The following ZKSCAN1 variants were observed in gnomAD, a reference collection of about 807,000 sequenced individuals.
ZKSCAN1 encodes the protein zinc finger with KRAB and SCAN domains 1.
Under a neutral mutation model 51.6 loss-of-function variants are expected in ZKSCAN1, and 14 were observed. The ratio of observed to expected loss-of-function variants is 0.27; its 90% CI spans 0.18 to 0.42. ZKSCAN1 has a LOEUF of 0.42. Among genes scored for constraint, ZKSCAN1 ranks in the 10% least tolerant of loss-of-function variants. ZKSCAN1 has a pLI of 1.00. For missense variants in ZKSCAN1, 531 were observed against 710.0 expected (o/e 0.75, Z 2.86); for synonymous variants, 263 against 261.5 (o/e 1.01, Z -0.06).
downstream of ZKSCAN1, among the ~76,000 whole-genome samples, chr7:100,043,914 C>A (rs1791660246): frequency 1.3e-5 from 2 of 150,946 alleles, no homozygotes; most frequent in Non-Finnish European, 1.5e-5. Flanking sequence ...GTAGCTGGGA[C>A]TACAGGTGCA....
downstream of ZKSCAN1, chr7:100,044,971 G>A: frequency 1.0e-6 from 1 of 985,364 alleles, no homozygotes; most frequent in Non-Finnish European, 1.2e-6. Context: ...GAGCGAGGAA[G>A]ATCCAGAAAT....
At chr7:100,022,642 G>C (rs1386658669) in intron 1 of ZKSCAN1, among the ~76,000 whole-genome samples, 2 of 152,186 alleles carry the variant, frequency 1.3e-5, no homozygotes, top group African/African-American at 4.8e-5. Flanking sequence ...AGGTCCCAGG[G>C]CTTCAAATTT....
intron 1 of ZKSCAN1, among the ~76,000 whole-genome samples, chr7:100,020,933 G>A (rs533417001): frequency 6.6e-6 from 1 of 152,206 alleles, no homozygotes; most frequent in South Asian, 2.1e-4. Flanking sequence ...AGTAACTTGT[G>A]ATTGATCCAA....
rs1228258298 is a variant in ZKSCAN1, at chr7:100,036,074, A to C, written c.*1877A>C. 1.0e-6 allele frequency: 1 copy of C among 985,340 alleles called. No individual in the cohort carries two copies. The highest frequency in any genetic ancestry group is 1.7e-5 in the African/African-American group (1 of 57,234). The allele number at this position is 985,340 out of a possible 1,614,324, so 61.0% of individuals were successfully genotyped here. On this transcript the variant is annotated 3_prime_UTR_variant, in exon 6 of 6. Coordinates refer to ENST00000324306, the MANE Select transcript of ZKSCAN1 (RefSeq NM_003439.4). Reference sequence around the variant, plus strand: ...CAGTCATTCACTGATCAGCAGCTAAAGTCCATGAGACCAAATGGTTTTATA... The same window carrying C: ...CAGTCATTCACTGATCAGCAGCTAACGTCCATGAGACCAAATGGTTTTATA...
chr7:100,029,797 G>T, intron 3 of ZKSCAN1, 64 bp from the exon 4 acceptor site: 1 of 1,495,014 alleles, frequency 6.7e-7, no homozygotes. Context: ...CATGCCCCGA[G>T]CCCTTCTTTG....
In ZKSCAN1 at chr7:100,039,429, G is replaced by T; in HGVS notation, c.*5232G>T. On this transcript the variant is annotated 3_prime_UTR_variant, in exon 6 of 6. Transcript: ENST00000324306. Reference sequence around the variant, plus strand: ...TCGTGGCATTGCAAGAAGTCTGTCTGATGAAGCTCGGGAAGCATTTTGCAA... The same window carrying T: ...TCGTGGCATTGCAAGAAGTCTGTCTTATGAAGCTCGGGAAGCATTTTGCAA... 1 of 985,434 alleles carries T rather than the reference G, an allele frequency of 1.0e-6. No homozygotes were observed. Among genetic ancestry groups the T allele is most frequent in the Non-Finnish European group, 1.2e-6 (1 of 829,938 alleles). 61.0% of individuals were successfully genotyped at this position (985,434 alleles called of 1,614,324 possible).
At chr7:100,026,549 G>A (rs1790845631) in intron 3 of ZKSCAN1, among the ~76,000 whole-genome samples, 1 of 152,016 alleles carries the variant, frequency 6.6e-6, no homozygotes, top group Non-Finnish European at 1.5e-5. Context: ...CCAACATAGT[G>A]AAACACTGTC....
intron 1 of ZKSCAN1, among the ~76,000 whole-genome samples, chr7:100,021,703 A>G (rs1312638180): frequency 6.8e-6 from 1 of 147,012 alleles, no homozygotes; most frequent in African/African-American, 2.5e-5. Context: ...TTATATTATT[A>G]GTGTGTCCTG....
chr7:100,041,758 G>T (rs1791603932), downstream of ZKSCAN1: 3 of 984,422 alleles, frequency 3.0e-6, no homozygotes, highest in Non-Finnish European at 3.6e-6. Context: ...CACATTGGGG[G>T]TGAAGAAAAA....
At position 100,041,646 on chromosome 7, in the gene ZKSCAN1, TTC is replaced by T. The variant is rs2116006796; in HGVS notation, c.*7451_*7452del. 1.0e-6 allele frequency: 1 copy of T among 985,410 alleles called. No individual in the cohort carries two copies. Among genetic ancestry groups the T allele is most frequent in the African/African-American group, 1.7e-5 (1 of 57,360 alleles). 61.0% of individuals were successfully genotyped at this position (985,410 alleles called of 1,614,324 possible). A position where few individuals can be genotyped will look rare whatever the true frequency, so the allele number is the denominator to read the frequency against. ...AAATATTCTCTTTATGTTGTTTCTC[TTC>T]TGAGTCATGGTAAAACAATAAATTA... On this transcript the variant is annotated 3_prime_UTR_variant, in exon 6 of 6. Transcript: ENST00000324306.
chr7:100,018,472 G>A (rs958681763), intron 1 of ZKSCAN1, among the ~76,000 whole-genome samples: 2 of 150,660 alleles, frequency 1.3e-5, no homozygotes, highest in South Asian at 2.1e-4. Flanking sequence ...TGGCGCAATC[G>A]CAGCCTCCCG....
rs12669840 is a variant in ZKSCAN1 at position 100,032,876 on chromosome 7, C to T, written c.800-429C>T. ...ACAAAAAATTAGCCGGGCGTGGTGG[C>T]GGGCGCCTGTAGTCCCAGCTACTCA... On this transcript the variant is annotated intron_variant, in intron 5 of 5. Transcript: ENST00000324306. Among the ~76,000 whole-genome samples, 6 of 152,182 alleles carry T rather than the reference C, an allele frequency of 3.9e-5. No individual in the cohort carries two copies. The East Asian group carries it at 7.7e-4, about 20-fold the overall frequency.
rs1791501450 is a variant in ZKSCAN1 at position 100,039,395 on chromosome 7, T to C, written c.*5198T>C. 2.0e-6 allele frequency: 2 copies of C among 985,368 alleles called. No homozygotes were observed. Among genetic ancestry groups the C allele is most frequent in the African/African-American group, 3.5e-5 (2 of 57,314 alleles). 61.0% of individuals were successfully genotyped at this position (985,368 alleles called of 1,614,324 possible). A position where few individuals can be genotyped will look rare whatever the true frequency, so the allele number is the denominator to read the frequency against. ...GGCATTTCCCGGAATTGTGTGCAGA[T>C]GCATCCAGTCGTGGCATTGCAAGAA... is the stretch of plus-strand genomic sequence containing the variant. On this transcript the variant is annotated 3_prime_UTR_variant, in exon 6 of 6. Coordinates refer to ENST00000324306, the MANE Select transcript of ZKSCAN1 (RefSeq NM_003439.4).
rs763366584 is a variant in ZKSCAN1, at chr7:100,030,389, A to G, written c.799+14A>G. The G allele has an allele frequency of 5.0e-6, 8 of 1,610,362 alleles. No homozygotes were observed. The East Asian group carries it at 1.8e-4, about 36-fold the overall frequency. On this transcript the variant is annotated intron_variant, in intron 5 of 5. Coordinates refer to ENST00000324306, the MANE Select transcript of ZKSCAN1 (RefSeq NM_003439.4). ...CATTTCCCCAGGGTAAGACGGATGC[A>G]GGCTTACTGTCTGATAAGATGGTTT...
At chr7:100,042,616 C>T (rs1791627819), downstream of ZKSCAN1, among the ~76,000 whole-genome samples, 1 of 152,030 alleles carries the variant, frequency 6.6e-6, no homozygotes, top group South Asian at 2.1e-4. Flanking sequence ...GGCTATAAAT[C>T]AAGGGCTTCC....
chr7:100,044,483 C>T (rs1043834287), downstream of ZKSCAN1, among the ~76,000 whole-genome samples: 3 of 151,678 alleles, frequency 2.0e-5, no homozygotes, highest in East Asian at 1.9e-4. Context: ...CTGGCTAACA[C>T]GGTGAAACTC....
Position 100,037,746 on chromosome 7 carries a change from C to T in ZKSCAN1, c.*3549C>T, listed in dbSNP as rs1141057. On this transcript the variant is annotated 3_prime_UTR_variant, in exon 6 of 6. Transcript: ENST00000324306. Reference sequence around the variant, plus strand: ...AGGGAGCTCAATCTTGGCCGGGCGCCGTGGCTCACGCCTGTAATCGCAGCA... The same window carrying T: ...AGGGAGCTCAATCTTGGCCGGGCGCTGTGGCTCACGCCTGTAATCGCAGCA... 1.7e-5 allele frequency: 17 copies of T among 984,944 alleles called. No homozygotes were observed. The highest frequency in any genetic ancestry group is 1.9e-5 in the Non-Finnish European group (16 of 829,718). 61.0% of individuals were successfully genotyped at this position (984,944 alleles called of 1,614,324 possible). A position where few individuals can be genotyped will look rare whatever the true frequency, so the allele number is the denominator to read the frequency against.
chr7:100,018,589 C>T (rs898251784), intron 1 of ZKSCAN1, among the ~76,000 whole-genome samples: 1 of 152,020 alleles, frequency 6.6e-6, no homozygotes, highest in Non-Finnish European at 1.5e-5. Context: ...GGGGTTTCAT[C>T]GTGTTACCAG....
chr7:100,024,543 G>T, intron 3 of ZKSCAN1: 2 of 497,712 alleles, frequency 4.0e-6, no homozygotes, highest in East Asian at 7.9e-5. Context: ...GCAGTGAGCT[G>T]TAATCATGCC....
Sources: gnomAD v4.1 joint callset for allele counts (sites outside exome capture counted in the v4.1 genomes callset) on GRCh38, gnomAD v4.1.1 for gene constraint, MANE v1.5 for transcripts, NCBI Gene and HGNC (gene_info 2026-07-23, HGNC 2026-07-21) for gene names.